The following ITSN1 variants were observed in gnomAD, a reference collection of about 807,000 sequenced individuals.
ITSN1 encodes the protein intersectin 1.
In ITSN1, 58 loss-of-function variants were observed where a neutral mutation model predicts 239.8. That is an observed-to-expected ratio of 0.24 (90% CI 0.20 to 0.30). The LOEUF (loss-of-function observed/expected upper bound fraction) is 0.30, where lower values mean the gene tolerates loss of function less well. Among genes scored for constraint, ITSN1 ranks in the 10% least tolerant of loss-of-function variants. The pLI, the probability that ITSN1 is intolerant of heterozygous loss-of-function variation, is 1.00. For missense variants in ITSN1, 1,558 were observed against 2,103.3 expected, an observed-to-expected ratio of 0.74 and a Z score of 5.07; for synonymous variants, 780 against 770.8, an observed-to-expected ratio of 1.01 and a Z score of -0.20.
At chr21:33,842,977 C>T (rs555440493) in intron 29 of ITSN1, among the ~76,000 whole-genome samples, 1 of 152,252 alleles carries the variant, frequency 6.6e-6, no homozygotes, top group Non-Finnish European at 1.5e-5. Context: ...GCACGCTGAT[C>T]CACTGCGTTG....
intron 1 of ITSN1, among the ~76,000 whole-genome samples, chr21:33,652,478 A>G (rs561755911): frequency 1.3e-5 from 2 of 152,124 alleles, no homozygotes; most frequent in African/African-American, 4.8e-5. Flanking sequence ...CTTTTTTGCT[A>G]CATCGTCATA....
At chr21:33,680,672 A>G (rs2090895665) in intron 1 of ITSN1, among the ~76,000 whole-genome samples, 1 of 93,748 alleles carries the variant, frequency 1.1e-5, no homozygotes, top group Admixed American at 1.2e-4. Flanking sequence ...GAAGGTTCCA[A>G]ATGTCTGAAG....
intron 29 of ITSN1, among the ~76,000 whole-genome samples, chr21:33,841,889 A>G (rs1040938582): frequency 6.6e-6 from 1 of 151,648 alleles, no homozygotes; most frequent in Admixed American, 6.6e-5. Flanking sequence ...CCAAGATCAC[A>G]GTAGCCTTAA....
At chr21:33,751,661 A>G (rs558018629) in intron 6 of ITSN1, 149 bp from the exon 7 acceptor site, 8 of 622,988 alleles carry the variant, frequency 1.3e-5, no homozygotes, top group Non-Finnish European at 2.2e-5. Flanking sequence ...ACAGAGGGTA[A>G]GGAGGGAAAA....
At chr21:33,702,121 T>TCC (rs747245035) in intron 1 of ITSN1, among the ~76,000 whole-genome samples, 146,803 of 147,656 alleles carry the variant, frequency 0.99, 72,975 homozygotes, top group Middle Eastern at 1. Flanking sequence ...TTTTTTTTTT[T>TCC]TTTTTTTTTT....
In ITSN1 at chr21:33,818,370, A is replaced by G; in HGVS notation, c.2831A>G (p.Glu944Gly). Residue 944 changes from glutamate (E) to glycine (G), a missense_variant, in exon 23 of 40, where the codon GAA becomes GGA. By Grantham distance (98) the Glu-to-Gly change is moderately conservative (BLOSUM62 -2). This residue lies in a region of ITSN1 where 982 missense variants were observed against 1,209.9 expected (regional missense o/e 0.81). Coordinates refer to ENST00000381318, the MANE Select transcript of ITSN1 (RefSeq NM_003024.3). Reference sequence around the variant, plus strand: ...AAAAATGATGTCATCACCGTCCTGGAACAGCAAGACATGTGGTGGTTTGGA... The same window carrying G: ...AAAAATGATGTCATCACCGTCCTGGGACAGCAAGACATGTGGTGGTTTGGA... ...FNKNDVITVL[E>G]QQDMWWFGEV... 6.2e-7 allele frequency: 1 copy of G among 1,614,252 alleles called. No individual in the cohort carries two copies. The highest frequency in any genetic ancestry group is 8.5e-7 in the Non-Finnish European group (1 of 1,180,028).
intron 5 of ITSN1, among the ~76,000 whole-genome samples, chr21:33,742,622 G>A (rs1326055252): frequency 6.6e-6 from 1 of 152,186 alleles, no homozygotes; most frequent in Non-Finnish European, 1.5e-5. Flanking sequence ...GAGCAGTCCA[G>A]CCCCTATGAA....
intron 5 of ITSN1, among the ~76,000 whole-genome samples, chr21:33,742,450 G>A (rs1160209097): frequency 6.6e-6 from 1 of 152,226 alleles, no homozygotes; most frequent in East Asian, 1.9e-4. Flanking sequence ...GCAGGAGGAA[G>A]AGGGAAGAAT....
chr21:33,846,753 C>T (rs1303770909), intron 29 of ITSN1, among the ~76,000 whole-genome samples: 1 of 152,176 alleles, frequency 6.6e-6, no homozygotes, highest in Admixed American at 6.5e-5. Context: ...GTTCATTCTC[C>T]CTGCTGCGTG....
At chr21:33,827,839 A>G (rs1056118630) in intron 26 of ITSN1, among the ~76,000 whole-genome samples, 3 of 152,228 alleles carry the variant, frequency 2.0e-5, no homozygotes, top group African/African-American at 7.2e-5. Flanking sequence ...TTATAGGTTG[A>G]AACAGTCACT....
chr21:33,736,278 G>A (rs1394816465), intron 5 of ITSN1, among the ~76,000 whole-genome samples: 7 of 152,184 alleles, frequency 4.6e-5, no homozygotes, highest in Admixed American at 1.3e-4. Context: ...TTCGGAGGGG[G>A]CAGTCAACAG....
chr21:33,898,298 C>T lies in ITSN1; in HGVS notation c.*9998C>T, dbSNP rs540019118. 7 of 152,356 alleles carry T rather than the reference C, an allele frequency of 4.6e-5. No individual in the cohort carries two copies. The highest frequency in any genetic ancestry group is 1.2e-4 in the African/African-American group (5 of 41,582). The allele number at this position is 152,356 out of a possible 1,614,324, so 9.4% of individuals were successfully genotyped here. The stretch of plus-strand genomic sequence containing the variant: ...TTTCCTGATGCATCCTCACTGTCTT[C>T]AACTGTTGCATAGCCAGGTGGGTGG... On this transcript the variant is annotated 3_prime_UTR_variant, in exon 40 of 40. Coordinates refer to ENST00000381318, the MANE Select transcript of ITSN1 (RefSeq NM_003024.3).
chr21:33,779,024 C>T (rs1318367261), intron 14 of ITSN1, among the ~76,000 whole-genome samples: 1 of 151,964 alleles, frequency 6.6e-6, no homozygotes, highest in Non-Finnish European at 1.5e-5. Flanking sequence ...TCTCCTTTCT[C>T]CTACTCTATC....
chr21:33,754,688 G>A (rs1432390234), intron 7 of ITSN1, among the ~76,000 whole-genome samples: 1 of 152,196 alleles, frequency 6.6e-6, no homozygotes, highest in Non-Finnish European at 1.5e-5. Flanking sequence ...GTATTGGATT[G>A]TAGTCGAGAA....
At position 33,899,388 on chromosome 21, in the gene ITSN1, G is replaced by C. The variant is rs1986970384; in HGVS notation, c.*11088G>C. The C allele has an allele frequency of 6.6e-6, 1 of 152,182 alleles. No individual in the cohort carries two copies. The highest frequency in any genetic ancestry group is 2.1e-4 in the South Asian group (1 of 4,832). 9.4% of individuals were successfully genotyped at this position (152,182 alleles called of 1,614,324 possible). On this transcript the variant is annotated 3_prime_UTR_variant, in exon 40 of 40. Coordinates refer to ENST00000381318, the MANE Select transcript of ITSN1 (RefSeq NM_003024.3). ...GGTAGGACCAGGCCCGCCCCTTGAT[G>C]GATGTGCTGTTGATTGTAATATACT...
intron 29 of ITSN1, among the ~76,000 whole-genome samples, chr21:33,839,378 G>GT (rs1339950024): frequency 1.3e-5 from 2 of 152,192 alleles, no homozygotes; most frequent in Non-Finnish European, 2.9e-5. Flanking sequence ...CCTTCAGGGG[G>GT]TGGGGCGGGG....
intron 14 of ITSN1, among the ~76,000 whole-genome samples, chr21:33,778,471 T>G (rs1369648106): frequency 6.6e-6 from 1 of 152,050 alleles, no homozygotes; most frequent in Admixed American, 6.5e-5. Context: ...TATTCTGATT[T>G]TCTTCTTCTC....
At chr21:33,830,899 T>TG (rs1220450981) in intron 27 of ITSN1, among the ~76,000 whole-genome samples, 74 of 40,238 alleles carry the variant, frequency 1.8e-3, no homozygotes, top group East Asian at 8.7e-3. Flanking sequence ...GAGAAGAGGG[T>TG]GGGGGGGGAG....
chr21:33,885,598 C>A, intron 38 of ITSN1, 76 bp downstream of exon 38: 2 of 1,089,564 alleles, frequency 1.8e-6, no homozygotes, highest in Non-Finnish European at 2.8e-6. Context: ...CCCCACCTGG[C>A]TCTAGATCAA....
Sources: gnomAD v4.1 joint callset for allele counts (sites outside exome capture counted in the v4.1 genomes callset) on GRCh38, gnomAD v4.1.1 for gene constraint, gnomAD v4.1.1 regional missense constraint, MANE v1.5 for transcripts, NCBI Gene and HGNC (gene_info 2026-07-23, HGNC 2026-07-21) for gene names.